Variants in FRMD4B observed in about 807,000 individuals in gnomAD.
FRMD4B encodes the protein FERM domain-containing protein 4B.
Under a neutral mutation model 141.5 loss-of-function variants are expected in FRMD4B, and 74 were observed. The observed-to-expected ratio is 0.52, with a 90% confidence interval of 0.43 to 0.63. The LOEUF (loss-of-function observed/expected upper bound fraction) is 0.63. FRMD4B is among the 30% of genes least tolerant of loss of function. The probability of loss-of-function intolerance (pLI) is 0.00; values close to 1 mark genes in which losing one functional copy is unlikely to be tolerated. For missense variants in FRMD4B, 1,366 were observed against 1,253.4 expected, an observed-to-expected ratio of 1.09 and a Z score of -1.36; for synonymous variants, 506 against 467.9, an observed-to-expected ratio of 1.08 and a Z score of -1.05.
At chr3:69,336,428 G>A (rs566279269) in intron 1 of FRMD4B, 2 of 152,236 alleles carry the variant, frequency 1.3e-5, no homozygotes, top group African/African-American at 4.8e-5. Context: ...TGTTTCAGAT[G>A]CAGCAAAAAG....
At chr3:69,384,487 G>GA (rs1330446145) in intron 1 of FRMD4B, among the ~76,000 whole-genome samples, 1 of 151,638 alleles carries the variant, frequency 6.6e-6, no homozygotes. Context: ...CCCAAGAGAG[G>GA]AAAAAAAAGG....
chr3:69,333,905 G>C (rs1390980440), intron 1 of FRMD4B: 1 of 152,166 alleles, frequency 6.6e-6, no homozygotes, highest in Non-Finnish European at 1.5e-5. Flanking sequence ...GAAGTGGCCA[G>C]AAATTATTTT....
At chr3:69,377,162 C>T (rs192343481) in intron 1 of FRMD4B, 1 of 152,112 alleles carries the variant, frequency 6.6e-6, no homozygotes, top group East Asian at 1.9e-4. Context: ...TTTTTGGGTA[C>T]CTTAGCATCT....
At chr3:69,208,015 G>C (rs1434875747) in intron 11 of FRMD4B, among the ~76,000 whole-genome samples, 2 of 152,014 alleles carry the variant, frequency 1.3e-5, no homozygotes, top group Non-Finnish European at 2.9e-5. Context: ...AAGTAGCTGG[G>C]ATTATGGGCA....
intron 1 of FRMD4B, chr3:69,536,255 G>A (rs549332154): frequency 1.8e-4 from 110 of 606,654 alleles, no homozygotes; most frequent in African/African-American, 1.7e-3. Context: ...GGCCTTTTCC[G>A]CTCTCCTGGG....
At position 69,368,397 on chromosome 3, in the gene FRMD4B, G is replaced by T. The variant is rs138108560; in HGVS notation, c.162+17431C>A. On this transcript the variant is annotated intron_variant, in intron 1 of 22. Coordinates refer to ENST00000398540, the MANE Select transcript of FRMD4B (RefSeq NM_015123.3). ...ACAACATCTATTAGAACAGACTGAT[G>T]ACATTAGACAGCAGTAAATAATGAA... Among the ~76,000 whole-genome samples the T allele has an allele frequency of 1.8e-3, 274 of 152,314 alleles. 2 individuals are homozygous for T. The highest frequency in any genetic ancestry group is 6.4e-3 in the African/African-American group (265 of 41,572).
At chr3:69,273,658 A>G (rs1228534332) in intron 5 of FRMD4B, among the ~76,000 whole-genome samples, 1 of 152,202 alleles carries the variant, frequency 6.6e-6, no homozygotes, top group African/African-American at 2.4e-5. Flanking sequence ...AATTTGATCA[A>G]TTTAGTTACC....
At chr3:69,333,691 A>G (rs1702451892) in intron 1 of FRMD4B, among the ~76,000 whole-genome samples, 1 of 152,196 alleles carries the variant, frequency 6.6e-6, no homozygotes, top group South Asian at 2.1e-4. Flanking sequence ...TTCTGATTAC[A>G]TAATAAAATA....
chr3:69,287,452 T>C (rs1052091835), intron 5 of FRMD4B, among the ~76,000 whole-genome samples: 1 of 152,216 alleles, frequency 6.6e-6, no homozygotes, highest in African/African-American at 2.4e-5. Flanking sequence ...GATTATGATC[T>C]GATTGATCCA....
intron 1 of FRMD4B, among the ~76,000 whole-genome samples, chr3:69,496,044 A>G (rs1425322312): frequency 6.6e-6 from 1 of 152,176 alleles, no homozygotes; most frequent in African/African-American, 2.4e-5. Context: ...AAATATTTTT[A>G]TTTATACTAT....
At position 69,339,571 on chromosome 3, in the gene FRMD4B, G is replaced by A. The variant is rs904512187; in HGVS notation, c.163-26054C>T. ...TAATTACCAAACCTGTCACAGGAAT[G>A]ATGCAGCTACATGAACCATTAAGAA... On this transcript the variant is annotated intron_variant, in intron 1 of 22. Transcript: ENST00000398540. 3.9e-5 allele frequency among the ~76,000 whole-genome samples: 6 copies of A among 152,260 alleles called. No homozygotes were observed. The South Asian group carries it at 1.2e-3, about 32-fold the overall frequency.
chr3:69,349,550 A>T (rs1703063537), intron 1 of FRMD4B, among the ~76,000 whole-genome samples: 1 of 152,232 alleles, frequency 6.6e-6, no homozygotes, highest in South Asian at 2.1e-4. Flanking sequence ...AACTGGAGGC[A>T]TCAAGCTACC....
At chr3:69,496,898 T>A (rs892298877) in intron 1 of FRMD4B, among the ~76,000 whole-genome samples, 2 of 28,124 alleles carry the variant, frequency 7.1e-5, no homozygotes, top group African/African-American at 2.2e-3. Context: ...GCTATGGTAG[T>A]TTTTTTTTTA....
At chr3:69,497,726 A>G (rs1325106666) in intron 1 of FRMD4B, among the ~76,000 whole-genome samples, 2 of 152,070 alleles carry the variant, frequency 1.3e-5, no homozygotes, top group South Asian at 2.1e-4. Context: ...AACTTTTTTT[A>G]AGACATGGAG....
At chr3:69,419,499 A>G (rs890957444) in intron 2 of FRMD4B, among the ~76,000 whole-genome samples, 1 of 147,574 alleles carries the variant, frequency 6.8e-6, no homozygotes, top group Non-Finnish European at 1.5e-5. Flanking sequence ...TTCCAGCAAG[A>G]CTCCCTCAGT....
intron 1 of FRMD4B, among the ~76,000 whole-genome samples, chr3:69,438,895 C>T (rs987786702): frequency 6.6e-6 from 1 of 152,108 alleles, no homozygotes; most frequent in Non-Finnish European, 1.5e-5. Flanking sequence ...AACTAACAAA[C>T]GTTGTTTTTC....
At chr3:69,331,638 G>A (rs1702372852) in intron 1 of FRMD4B, among the ~76,000 whole-genome samples, 2 of 152,066 alleles carry the variant, frequency 1.3e-5, no homozygotes, top group African/African-American at 4.8e-5. Context: ...CTTGACCCTT[G>A]GTTTTCTTGT....
chr3:69,362,702 C>A (rs1703504419), intron 1 of FRMD4B, among the ~76,000 whole-genome samples: 1 of 62,908 alleles, frequency 1.6e-5, no homozygotes, highest in Non-Finnish European at 2.7e-5. Context: ...AAAAGCCAAC[C>A]CCCCCCCCAA....
chr3:69,176,773 T>C (rs1434990748), intron 21 of FRMD4B, 117 bp from the exon 22 acceptor site: 3 of 663,964 alleles, frequency 4.5e-6, no homozygotes, highest in Non-Finnish European at 7.7e-6. Context: ...TTAAGAGGGT[T>C]TGAAATAACA....
Sources: gnomAD v4.1 joint callset for allele counts (sites outside exome capture counted in the v4.1 genomes callset) on GRCh38, gnomAD v4.1.1 for gene constraint, MANE v1.5 for transcripts, NCBI Gene and HGNC (gene_info 2026-07-23, HGNC 2026-07-21) for gene names.